Variants in CDK14 observed in about 807,000 individuals in gnomAD.
The protein encoded by CDK14 is cyclin dependent kinase 14, also known as cyclin-dependent kinase 14.
CDK14 carries 34 observed loss-of-function variants against 60.7 expected under a neutral mutation model. That is an observed-to-expected ratio of 0.56 (90% CI 0.43 to 0.75). CDK14 has a LOEUF of 0.75. Among genes scored for constraint, CDK14 ranks in the 30% least tolerant of loss-of-function variants. CDK14 has a pLI of 0.00. For missense variants in CDK14, 482 were observed against 564.1 expected, an observed-to-expected ratio of 0.85 and a Z score of 1.47; for synonymous variants, 197 against 203.7, an observed-to-expected ratio of 0.97 and a Z score of 0.28.
chr7:90,769,882 C>T (rs540978188), intron 4 of CDK14, among the ~76,000 whole-genome samples: 1 of 152,340 alleles, frequency 6.6e-6, no homozygotes, highest in East Asian at 1.9e-4. Context: ...AGTTGGACTT[C>T]ATTCACTTCT....
rs375913150 is a variant in CDK14, at chr7:90,940,472, C to T, written c.827-15225C>T. On this transcript the variant is annotated intron_variant, in intron 8 of 14. Coordinates refer to ENST00000380050, the MANE Select transcript of CDK14 (RefSeq NM_001287135.2). ...CAATGTCACAATGAATCTCCATGCCCGTAAGTCTTTGTATGTATAAATATA... is the reference window on the plus strand; with the variant it reads ...CAATGTCACAATGAATCTCCATGCCTGTAAGTCTTTGTATGTATAAATATA... Among the ~76,000 whole-genome samples, 8 of 151,962 alleles carry T rather than the reference C, an allele frequency of 5.3e-5. No homozygotes were observed. In the East Asian group the frequency reaches 1.2e-3, roughly 22 times the overall value.
At chr7:90,878,633 A>G (rs1791640683) in intron 6 of CDK14, among the ~76,000 whole-genome samples, 2 of 151,782 alleles carry the variant, frequency 1.3e-5, no homozygotes, top group African/African-American at 4.9e-5. Context: ...GTTATCTTTT[A>G]GAGAAGTCAC....
chr7:91,006,022 G>A (rs2115780417), intron 10 of CDK14, among the ~76,000 whole-genome samples: 1 of 152,312 alleles, frequency 6.6e-6, no homozygotes, highest in South Asian at 2.1e-4. Flanking sequence ...ATGGCTCCAG[G>A]CTCATCCAAA....
At chr7:90,601,859 C>A (rs949045527) in intron 1 of CDK14, among the ~76,000 whole-genome samples, 1 of 152,032 alleles carries the variant, frequency 6.6e-6, no homozygotes, top group Non-Finnish European at 1.5e-5. Flanking sequence ...CTCAAGTGAT[C>A]CTCCCACCTC....
chr7:90,994,872 A>G (rs1393685539), intron 10 of CDK14, among the ~76,000 whole-genome samples: 2 of 152,222 alleles, frequency 1.3e-5, no homozygotes, highest in South Asian at 2.1e-4. Flanking sequence ...TTCTTAGCAG[A>G]TTCCCTAAAT....
At chr7:90,682,276 G>C (rs1396976131) in intron 2 of CDK14, among the ~76,000 whole-genome samples, 1 of 152,114 alleles carries the variant, frequency 6.6e-6, no homozygotes, top group Non-Finnish European at 1.5e-5. Flanking sequence ...GACTTGACCT[G>C]TTTGTGTAGA....
At chr7:91,124,471 T>TA (rs397890824) in intron 14 of CDK14, among the ~76,000 whole-genome samples, 3 of 152,090 alleles carry the variant, frequency 2.0e-5, no homozygotes, top group South Asian at 2.1e-4. Flanking sequence ...AGTGATTTTT[T>TA]AAAATAAAAA....
chr7:90,820,227 T>A (rs540356459), intron 5 of CDK14, among the ~76,000 whole-genome samples: 1 of 152,298 alleles, frequency 6.6e-6, no homozygotes, highest in South Asian at 2.1e-4. Flanking sequence ...GTCCTCTGTC[T>A]TCTCTAAGAA....
At chr7:90,711,853 C>A (rs1477079541) in intron 2 of CDK14, among the ~76,000 whole-genome samples, 1 of 147,786 alleles carries the variant, frequency 6.8e-6, no homozygotes. Flanking sequence ...CAGATCTAGT[C>A]CTGGTTCTTA....
intron 4 of CDK14, among the ~76,000 whole-genome samples, chr7:90,782,288 G>A (rs1481590715): frequency 6.6e-6 from 1 of 152,238 alleles, no homozygotes; most frequent in East Asian, 1.9e-4. Flanking sequence ...CTTTGCTGAA[G>A]TTGCTTATCA....
intron 12 of CDK14, among the ~76,000 whole-genome samples, chr7:91,109,913 G>A (rs964195048): frequency 6.6e-6 from 1 of 152,052 alleles, no homozygotes; most frequent in African/African-American, 2.4e-5. Context: ...AGAGATAATA[G>A]TGCTAGACTG....
intron 5 of CDK14, among the ~76,000 whole-genome samples, chr7:90,855,654 A>G (rs190405480): frequency 4.6e-5 from 7 of 152,334 alleles, no homozygotes; most frequent in East Asian, 3.9e-4. Flanking sequence ...AAAAATAACA[A>G]TACATTTGTG....
intron 2 of CDK14, chr7:90,632,424 T>C: frequency 4.1e-6 from 1 of 243,012 alleles, no homozygotes. Context: ...TGGCAGTGGT[T>C]ATCATGGGTG....
chr7:90,602,055 C>T lies in CDK14; in HGVS notation c.92-2163C>T, dbSNP rs576517897. Among the ~76,000 whole-genome samples the T allele has an allele frequency of 3.9e-5, 6 of 152,282 alleles. No homozygotes were observed. In the South Asian group the frequency reaches 1.0e-3, roughly 26 times the overall value. On this transcript the variant is annotated intron_variant, in intron 1 of 14. Coordinates refer to ENST00000380050, the MANE Select transcript of CDK14 (RefSeq NM_001287135.2). ...CTCCTGAGCTCTGGCGACCCATCCGCCTCAGCCTTCCAAAGTGCTGGGATT... is the reference window on the plus strand; with the variant it reads ...CTCCTGAGCTCTGGCGACCCATCCGTCTCAGCCTTCCAAAGTGCTGGGATT...
chr7:90,863,055 T>C, intron 5 of CDK14, 120 bp from the exon 6 acceptor site: 1 of 537,206 alleles, frequency 1.9e-6, no homozygotes, highest in Non-Finnish European at 3.3e-6. Flanking sequence ...TGAATTGTTA[T>C]TGACTTGGAA....
intron 2 of CDK14, among the ~76,000 whole-genome samples, chr7:90,640,651 G>A (rs1800303658): frequency 6.6e-6 from 1 of 151,932 alleles, no homozygotes; most frequent in Admixed American, 6.6e-5. Flanking sequence ...ACATTTAAAA[G>A]AATAATATTA....
intron 14 of CDK14, among the ~76,000 whole-genome samples, chr7:91,126,395 G>A (rs1266393953): frequency 1.3e-5 from 2 of 151,998 alleles, no homozygotes; most frequent in African/African-American, 2.4e-5. Flanking sequence ...ACCCCTAAAT[G>A]TTGGTAACAT....
chr7:90,692,975 C>T (rs956043798), intron 2 of CDK14, among the ~76,000 whole-genome samples: 1 of 151,146 alleles, frequency 6.6e-6, no homozygotes. Context: ...AAGCTTTTTG[C>T]CAGTAGGGTT....
At chr7:90,639,561 G>A (rs998919572) in intron 2 of CDK14, among the ~76,000 whole-genome samples, 115 of 151,944 alleles carry the variant, frequency 7.6e-4, no homozygotes, top group African/African-American at 2.7e-3. Context: ...TCCCAGTTAG[G>A]CTGCTCGGGG....
Sources: allele counts gnomAD v4.1 joint callset (sites outside exome capture counted in the v4.1 genomes callset), GRCh38; gene constraint gnomAD v4.1.1; transcripts MANE v1.5; gene names NCBI Gene and HGNC (gene_info 2026-07-23, HGNC 2026-07-21).